Variants in TSC22D2 observed in about 807,000 individuals in gnomAD.
The protein encoded by TSC22D2 is TSC22 domain family member 2, also known as TSC22 domain family protein 2.
TSC22D2 carries 5 observed loss-of-function variants against 50.1 expected under a neutral mutation model. The ratio of observed to expected loss-of-function variants is 0.10; its 90% CI spans 0.05 to 0.21. The LOEUF (loss-of-function observed/expected upper bound fraction) is 0.21. TSC22D2 is among the 10% of genes least tolerant of loss of function. The probability of loss-of-function intolerance (pLI) is 1.00; values close to 1 mark genes in which losing one functional copy is unlikely to be tolerated. For missense variants in TSC22D2, 1,003 were observed against 1,015.5 expected, an observed-to-expected ratio of 0.99 and a Z score of 0.17; for synonymous variants, 501 against 450.1, an observed-to-expected ratio of 1.11 and a Z score of -1.43.
intron 1 of TSC22D2, among the ~76,000 whole-genome samples, chr3:150,414,895 G>C (rs1293546620): frequency 6.6e-6 from 1 of 150,816 alleles, no homozygotes; most frequent in Non-Finnish European, 1.5e-5. Context: ...ACATTTATCT[G>C]TTAAATTGTG....
intron 1 of TSC22D2, among the ~76,000 whole-genome samples, chr3:150,443,754 A>G (rs955441299): frequency 2.0e-5 from 3 of 152,234 alleles, no homozygotes; most frequent in Non-Finnish European, 2.9e-5. Context: ...GAGATTAGTC[A>G]GCTGAGAGAA....
At chr3:150,429,565 T>C (rs1297697683) in intron 1 of TSC22D2, among the ~76,000 whole-genome samples, 1 of 152,170 alleles carries the variant, frequency 6.6e-6, no homozygotes, top group Non-Finnish European at 1.5e-5. Flanking sequence ...TCTCAAAATA[T>C]AATTCAAATT....
rs534153227 is a variant in TSC22D2 at position 150,459,292 on chromosome 3, A to C, written c.*656A>C. 6.5e-6 allele frequency: 1 copy of C among 152,818 alleles called. No individual in the cohort carries two copies. Among genetic ancestry groups the C allele is most frequent in the African/African-American group, 2.4e-5 (1 of 41,600 alleles). 9.5% of individuals were successfully genotyped at this position (152,818 alleles called of 1,614,324 possible). ...TATTTATTTTCAGTAGTAAAGACCCAGCTTGAATGTAAATTTTGTATAGTG... is the reference window on the plus strand; with the variant it reads ...TATTTATTTTCAGTAGTAAAGACCCCGCTTGAATGTAAATTTTGTATAGTG... On this transcript the variant is annotated 3_prime_UTR_variant, in exon 3 of 3. Transcript: ENST00000688009.
intron 1 of TSC22D2, among the ~76,000 whole-genome samples, chr3:150,433,845 T>A (rs1276247757): frequency 6.6e-6 from 1 of 152,094 alleles, no homozygotes; most frequent in Non-Finnish European, 1.5e-5. Flanking sequence ...AAGGCCAAGG[T>A]GGACAGATTG....
rs1167269759 is a variant in TSC22D2, at chr3:150,464,705, A to G, written c.*6069A>G. 1 of 152,244 alleles carries G rather than the reference A, an allele frequency of 6.6e-6. No homozygotes were observed. Among genetic ancestry groups the G allele is most frequent in the Non-Finnish European group, 1.5e-5 (1 of 68,036 alleles). The allele number at this position is 152,244 out of a possible 1,614,324, so 9.4% of individuals were successfully genotyped here. ...TTTGATATTGCCAGGAAACAACTTT[A>G]AATCACCAGAAAGCTTTAACATCAA... On this transcript the variant is annotated 3_prime_UTR_variant, in exon 3 of 3. Coordinates refer to ENST00000688009, the MANE Select transcript of TSC22D2 (RefSeq NM_001303264.2).
rs747808907 is a variant in TSC22D2, at chr3:150,457,083, G to T, written c.1966G>T (p.Gly656Trp). 1 of 1,611,928 alleles carries T rather than the reference G, an allele frequency of 6.2e-7. No homozygotes were observed. The highest frequency in any genetic ancestry group is 1.7e-5 in the Admixed American group (1 of 59,794). ...TATTCTAATTTTTTCCAGTGCATCT[G>T]GGGGAGGTGTTGTAGCCATTGACAA... ...PVDGDEDSAS[G>W]GGVVAIDNKI... The change falls in exon 2 of 3, where the codon GGG (glycine) becomes TGG (tryptophan). Residue 656 changes from glycine (G) to tryptophan (W), a missense_variant. Gly to Trp is a radical substitution (Grantham distance 184). Around this residue, in one of 6 missense-constraint regions of TSC22D2, gnomAD observed 696 missense variants for 647.8 expected, o/e 1.07. Transcript: ENST00000688009.
At chr3:150,411,436 G>A (rs1719565189) in intron 1 of TSC22D2, 128 bp downstream of exon 1, 1 of 1,023,604 alleles carries the variant, frequency 9.8e-7, no homozygotes, top group Non-Finnish European at 1.4e-6. Flanking sequence ...TTAGTTTTTG[G>A]TAAAATTGAT....
chr3:150,453,215 ATAAT>A (rs1721093013), intron 1 of TSC22D2, among the ~76,000 whole-genome samples: 2 of 152,244 alleles, frequency 1.3e-5, no homozygotes, highest in Non-Finnish European at 2.9e-5. Flanking sequence ...CCATCAAAAT[ATAAT>A]GTGCTGAATA....
In TSC22D2 at chr3:150,462,605, G is replaced by C. The variant is rs753364917; in HGVS notation, c.*3969G>C. ...AATGAACATCCCATTCCCAGTGTCA[G>C]GTATCAGGTGCCTATTTTCTTTTTT... is the stretch of plus-strand genomic sequence containing the variant. On this transcript the variant is annotated 3_prime_UTR_variant, in exon 3 of 3. Coordinates refer to ENST00000688009, the MANE Select transcript of TSC22D2 (RefSeq NM_001303264.2). The C allele has an allele frequency of 2.6e-5, 4 of 152,700 alleles. No individual in the cohort carries two copies. The highest frequency in any genetic ancestry group is 5.8e-5 in the Non-Finnish European group (4 of 68,824). 9.5% of individuals were successfully genotyped at this position (152,700 alleles called of 1,614,324 possible).
At chr3:150,451,648 C>T (rs973769003) in intron 1 of TSC22D2, among the ~76,000 whole-genome samples, 1 of 152,104 alleles carries the variant, frequency 6.6e-6, no homozygotes, top group African/African-American at 2.4e-5. Flanking sequence ...GAATCCTGTT[C>T]CTAGTATTGT....
In TSC22D2 at chr3:150,411,002, G is replaced by C; in HGVS notation, c.1652G>C (p.Ser551Thr). 6.2e-7 allele frequency: 1 copy of C among 1,614,246 alleles called. No individual in the cohort carries two copies. The highest frequency in any genetic ancestry group is 1.1e-5 in the South Asian group (1 of 91,088). ...LSSHTPVSRS[S>T]SIIQHVGLPL... is the part of the protein sequence containing the mutation. The stretch of plus-strand genomic sequence containing the variant: ...AGCCATACGCCAGTCAGCAGGAGCA[G>C]CAGCATAATCCAGCATGTTGGGCTG... Residue 551 changes from serine to threonine, a missense_variant, in exon 1 of 3, where the codon AGC (serine) becomes ACC (threonine). Coordinates refer to ENST00000688009, the MANE Select transcript of TSC22D2 (RefSeq NM_001303264.2).
chr3:150,448,804 T>TC (rs1559849715), intron 1 of TSC22D2, among the ~76,000 whole-genome samples: 1 of 150,922 alleles, frequency 6.6e-6, no homozygotes, highest in South Asian at 2.1e-4. Flanking sequence ...ATTAAAATGA[T>TC]CCCCCCAAAA....
At chr3:150,447,842 C>T (rs1720932287) in intron 1 of TSC22D2, among the ~76,000 whole-genome samples, 1 of 152,192 alleles carries the variant, frequency 6.6e-6, no homozygotes, top group Non-Finnish European at 1.5e-5. Flanking sequence ...AACTGTCAGT[C>T]TTACACTATT....
intron 1 of TSC22D2, among the ~76,000 whole-genome samples, chr3:150,427,080 A>T (rs373726919): frequency 3.3e-5 from 5 of 152,112 alleles, no homozygotes; most frequent in African/African-American, 1.2e-4. Context: ...GCTCATCTCT[A>T]AGAATCTTGG....
intron 1 of TSC22D2, among the ~76,000 whole-genome samples, chr3:150,434,159 T>G (rs1720464044): frequency 6.6e-6 from 1 of 151,764 alleles, no homozygotes; most frequent in African/African-American, 2.4e-5. Flanking sequence ...TTTGTTTTTT[T>G]TTTTTTTGGG....
In TSC22D2 at chr3:150,456,174, CTTTTTGTTTTTTTTT is replaced by C. The variant is rs1172204856; in HGVS notation, c.1959-886_1959-872del. The stretch of plus-strand genomic sequence containing the variant: ...ATGTAGGTCTGCCAGAATGTTGTTT[CTTTTTGTTTTTTTTT>C]TTTTTGTTTTTTTTTGAGATGGAGT... On this transcript the variant is annotated intron_variant, in intron 1 of 2. Transcript: ENST00000688009. 8.0e-3 allele frequency among the ~76,000 whole-genome samples: 989 copies of C among 123,628 alleles called. 17 individuals are homozygous for C. The highest frequency in any genetic ancestry group is 0.03 in the African/African-American group (950 of 31,834). 81.1% of individuals were successfully genotyped at this position (123,628 alleles called of 152,430 possible).
intron 1 of TSC22D2, among the ~76,000 whole-genome samples, chr3:150,452,954 C>G (rs1425070945): frequency 1.3e-5 from 2 of 152,138 alleles, no homozygotes; most frequent in Non-Finnish European, 2.9e-5. Context: ...CTTTATTTAG[C>G]ATTTCCAGTT....
chr3:150,421,344 CAAA>C (rs545165349), intron 1 of TSC22D2, among the ~76,000 whole-genome samples: 1 of 146,044 alleles, frequency 6.8e-6, no homozygotes, highest in African/African-American at 2.5e-5. Context: ...AAACAACAAC[CAAA>C]AAAAAAACCA....
In TSC22D2 at chr3:150,410,980, C is replaced by G; in HGVS notation, c.1630C>G (p.His544Asp). The G allele has an allele frequency of 6.2e-7, 1 of 1,614,238 alleles. No homozygotes were observed. The highest frequency in any genetic ancestry group is 8.5e-7 in the Non-Finnish European group (1 of 1,180,054). Residue 544 changes from histidine (H) to aspartate (D), a missense_variant, in exon 1 of 3, where the codon CAT (histidine) becomes GAT (aspartate). This residue lies in a region of TSC22D2 where 696 missense variants were observed against 647.8 expected (regional missense o/e 1.07). Coordinates refer to ENST00000688009, the MANE Select transcript of TSC22D2 (RefSeq NM_001303264.2). ...GGCCCAGTCGCAACAGCTGAGCAGC[C>G]ATACGCCAGTCAGCAGGAGCAGCAG... Reference protein sequence around the residue: ...PLAQSQQLSSHTPVSRSSSII... With the variant: ...PLAQSQQLSSDTPVSRSSSII...
Sources: allele counts gnomAD v4.1 joint callset (sites outside exome capture counted in the v4.1 genomes callset), GRCh38; gene constraint gnomAD v4.1.1; regional missense constraint gnomAD v4.1.1; transcripts MANE v1.5; gene names NCBI Gene and HGNC (gene_info 2026-07-23, HGNC 2026-07-21).